The following PRKN variants were observed in gnomAD, a reference collection of about 807,000 sequenced individuals.
The protein encoded by PRKN is E3 ubiquitin-protein ligase parkin.
A neutral mutation model predicts 59.5 loss-of-function variants in PRKN; 56 were observed. The ratio of observed to expected loss-of-function variants is 0.94; its 90% CI spans 0.76 to 1.18. The LOEUF (loss-of-function observed/expected upper bound fraction) is 1.18. Among genes scored for constraint, PRKN ranks in the 50% most tolerant of loss-of-function variants. PRKN has a pLI of 0.00. For missense variants in PRKN, 657 were observed against 596.4 expected, an observed-to-expected ratio of 1.10 and a Z score of -1.06; for synonymous variants, 250 against 222.1, an observed-to-expected ratio of 1.13 and a Z score of -1.12.
At chr6:161,727,924 G>C (rs529034677) in intron 7 of PRKN, among the ~76,000 whole-genome samples, 1 of 152,148 alleles carries the variant, frequency 6.6e-6, no homozygotes, top group South Asian at 2.1e-4. Flanking sequence ...CCATACCCCA[G>C]AAAATGATCC....
intron 1 of PRKN, among the ~76,000 whole-genome samples, chr6:162,485,324 T>C (rs530986415): frequency 6.6e-6 from 1 of 152,342 alleles, no homozygotes; most frequent in Admixed American, 6.5e-5. Flanking sequence ...TGTGTTTGCA[T>C]AGCTTATTTT....
chr6:162,324,667 G>A (rs1231312931), intron 2 of PRKN, among the ~76,000 whole-genome samples: 9 of 151,862 alleles, frequency 5.9e-5, no homozygotes, highest in Non-Finnish European at 1.3e-4. Context: ...ATAAACTCTA[G>A]TATATATAAA....
At chr6:162,289,442 G>A (rs1464218414) in intron 2 of PRKN, among the ~76,000 whole-genome samples, 1 of 151,940 alleles carries the variant, frequency 6.6e-6, no homozygotes, top group Non-Finnish European at 1.5e-5. Flanking sequence ...GCTCATGCCT[G>A]TAATCCCAGC....
At chr6:162,302,179 A>G (rs1781990861) in intron 2 of PRKN, among the ~76,000 whole-genome samples, 2 of 152,040 alleles carry the variant, frequency 1.3e-5, no homozygotes, top group South Asian at 4.2e-4. Context: ...CCACTTGAGT[A>G]AAGGCCTTCA....
chr6:162,557,843 C>T (rs1779673625), intron 1 of PRKN, among the ~76,000 whole-genome samples: 1 of 152,104 alleles, frequency 6.6e-6, no homozygotes. Context: ...CTATCCTTGA[C>T]AATATAGGGC....
intron 5 of PRKN, among the ~76,000 whole-genome samples, chr6:162,023,683 G>T (rs1783303078): frequency 6.6e-6 from 1 of 152,052 alleles, no homozygotes; most frequent in South Asian, 2.1e-4. Flanking sequence ...CCAGGATGGG[G>T]GTGTGGCGGA....
At chr6:162,545,543 A>T (rs932488180) in intron 1 of PRKN, among the ~76,000 whole-genome samples, 7 of 152,180 alleles carry the variant, frequency 4.6e-5, no homozygotes, top group African/African-American at 1.4e-4. Context: ...TGGTTATTTA[A>T]ATTTTAAGCA....
chr6:162,058,378 T>G (rs78186145), intron 4 of PRKN, among the ~76,000 whole-genome samples: 1,859 of 152,256 alleles, frequency 0.012, 35 homozygotes, highest in African/African-American at 0.043. Flanking sequence ...GGAGCCGTGC[T>G]CCCTGGGATG....
intron 7 of PRKN, among the ~76,000 whole-genome samples, chr6:161,640,837 A>G (rs1297955711): frequency 6.6e-6 from 1 of 152,216 alleles, no homozygotes; most frequent in African/African-American, 2.4e-5. Flanking sequence ...GCTAACAATT[A>G]TATTTCTGAG....
intron 1 of PRKN, among the ~76,000 whole-genome samples, chr6:162,664,319 G>A (rs190739350): frequency 5.9e-5 from 9 of 152,274 alleles, no homozygotes; most frequent in Admixed American, 5.2e-4. Flanking sequence ...TTGGTTCCAT[G>A]TCTTTGCTAT....
intron 1 of PRKN, among the ~76,000 whole-genome samples, chr6:162,451,085 ATTTTC>A (rs1410628513): frequency 6.6e-6 from 1 of 152,180 alleles, no homozygotes; most frequent in Non-Finnish European, 1.5e-5. Context: ...CAAAGAACAG[ATTTTC>A]TTTTCAAGAT....
chr6:162,103,165 C>G (rs916037313), intron 4 of PRKN, among the ~76,000 whole-genome samples: 2 of 151,086 alleles, frequency 1.3e-5, no homozygotes, highest in African/African-American at 4.9e-5. Flanking sequence ...CCACTAAACT[C>G]TCAAGTAACA....
chr6:162,454,719 T>C (rs965926341), intron 1 of PRKN, among the ~76,000 whole-genome samples: 1 of 152,232 alleles, frequency 6.6e-6, no homozygotes, highest in South Asian at 2.1e-4. Flanking sequence ...GGCTGTTTCA[T>C]GATGGATCAT....
chr6:161,638,040 A>C (rs562102321), intron 7 of PRKN, among the ~76,000 whole-genome samples: 30 of 152,062 alleles, frequency 2.0e-4, no homozygotes, highest in African/African-American at 7.0e-4. Flanking sequence ...ATTTTTTTTC[A>C]GTCCAAGGAC....
At chr6:161,455,817 C>G (rs906225145) in intron 9 of PRKN, among the ~76,000 whole-genome samples, 2 of 148,858 alleles carry the variant, frequency 1.3e-5, no homozygotes, top group African/African-American at 2.5e-5. Context: ...GAGCTGAGAT[C>G]GCGCCACTGC....
intron 4 of PRKN, among the ~76,000 whole-genome samples, chr6:162,073,158 T>A (rs1778655214): frequency 6.6e-6 from 1 of 152,172 alleles, no homozygotes; most frequent in African/African-American, 2.4e-5. Flanking sequence ...AGTAAATGAA[T>A]GAATGGAGCA....
chr6:162,495,531 CACTG>C (rs1267151954), intron 1 of PRKN, among the ~76,000 whole-genome samples: 1 of 152,132 alleles, frequency 6.6e-6, no homozygotes, highest in African/African-American at 2.4e-5. Context: ...ACCCACAGCC[CACTG>C]ACTGTCTCAC....
chr6:161,874,194 A>G (rs1187913918), intron 6 of PRKN, among the ~76,000 whole-genome samples: 10 of 52,662 alleles, frequency 1.9e-4, no homozygotes, highest in South Asian at 6.3e-4. Context: ...TATAATATAT[A>G]ATATATATTA....
rs772972237 is a variant in PRKN, at chr6:161,632,432, C to T, written c.872-63016G>A. 7.0e-4 allele frequency among the ~76,000 whole-genome samples: 106 copies of T among 152,128 alleles called. 2 individuals are homozygous for T. The highest frequency in any genetic ancestry group is 3.5e-3 in the Admixed American group (54 of 15,270). ...TTATCTAGTCTTTTACTTAATATGA[C>T]ATTTGGGTGAAATTGCATCTTGATT... On this transcript the variant is annotated intron_variant, in intron 7 of 11. Transcript: ENST00000366898.
Sources: gnomAD v4.1 joint callset for allele counts (sites outside exome capture counted in the v4.1 genomes callset) on GRCh38, gnomAD v4.1.1 for gene constraint, MANE v1.5 for transcripts, NCBI Gene and HGNC (gene_info 2026-07-23, HGNC 2026-07-21) for gene names.